Variants in NAA16 observed in about 807,000 individuals in gnomAD.
The protein encoded by NAA16 is N-alpha-acetyltransferase 16, NatA auxiliary subunit.
A neutral mutation model predicts 110.3 loss-of-function variants in NAA16; 97 were observed. That is an observed-to-expected ratio of 0.88 (90% CI 0.75 to 1.04). NAA16 has a LOEUF of 1.04. Ranked by LOEUF, NAA16 falls within the 50% of genes least tolerant of loss-of-function variation. The pLI is 0.00. For missense variants in NAA16, 1,017 were observed against 1,005.1 expected (o/e 1.01, Z -0.16); for synonymous variants, 372 against 330.6 (o/e 1.13, Z -1.36).
rs536407073 is a variant in NAA16 at position 41,334,254 on chromosome 13, TA to T, written c.908-2395del. Among the ~76,000 whole-genome samples, 198 of 152,272 alleles carry T rather than the reference TA, an allele frequency of 1.3e-3. 2 individuals are homozygous for T. The highest frequency in any genetic ancestry group is 2.5e-3 in the Non-Finnish European group (171 of 67,992). On this transcript the variant is annotated intron_variant, in intron 8 of 19. Coordinates refer to ENST00000379406, the MANE Select transcript of NAA16 (RefSeq NM_024561.5). ...CCACTTTTTAGGTAAAAGGGCTTCA[TA>T]CCTACAGAACAATAAGGAAATTTTC...
chr13:41,340,595 T>A (rs958431007), intron 9 of NAA16, among the ~76,000 whole-genome samples: 1 of 151,428 alleles, frequency 6.6e-6, no homozygotes, highest in African/African-American at 2.4e-5. Context: ...TACCCAGTAG[T>A]CATTCAGGAG....
At chr13:41,345,436 A>G (rs922125920) in intron 9 of NAA16, among the ~76,000 whole-genome samples, 2 of 152,132 alleles carry the variant, frequency 1.3e-5, no homozygotes, top group African/African-American at 2.4e-5. Flanking sequence ...TACCGTTGGT[A>G]TTATCTTTTA....
chr13:41,316,384 G>T (rs1273187017), intron 1 of NAA16, among the ~76,000 whole-genome samples: 2 of 148,540 alleles, frequency 1.3e-5, no homozygotes, highest in African/African-American at 5.0e-5. Context: ...TCTGCTCACT[G>T]CAACCTCTGC....
intron 7 of NAA16, among the ~76,000 whole-genome samples, chr13:41,329,068 A>AT (rs1389218880): frequency 6.6e-6 from 1 of 152,004 alleles, no homozygotes; most frequent in Non-Finnish European, 1.5e-5. Flanking sequence ...CTGTGATAGT[A>AT]TTGGAAGGTG....
In NAA16 at chr13:41,323,202, A is replaced by C; in HGVS notation, c.537+12A>C. The C allele has an allele frequency of 6.2e-7, 1 of 1,612,728 alleles. No individual in the cohort carries two copies. The highest frequency in any genetic ancestry group is 1.3e-5 in the African/African-American group (1 of 75,010). On this transcript the variant is annotated intron_variant, in intron 5 of 19. Coordinates refer to ENST00000379406, the MANE Select transcript of NAA16 (RefSeq NM_024561.5). ...GACAAACTCAGCAAGTAAGAATTTT[A>C]ATGTTTCCTTCTACCTTCATAAATG...
At chr13:41,333,049 G>A (rs2042282194) in intron 8 of NAA16, among the ~76,000 whole-genome samples, 1 of 152,056 alleles carries the variant, frequency 6.6e-6, no homozygotes, top group African/African-American at 2.4e-5. Context: ...TGCTTTTGCT[G>A]TTCTTCAGCC....
chr13:41,320,617 C>T (rs372377650), intron 3 of NAA16, 50 bp from the exon 4 acceptor site: 2 of 1,468,214 alleles, frequency 1.4e-6, no homozygotes, highest in African/African-American at 2.9e-5. Flanking sequence ...AGATATGTAT[C>T]ATAGAATATT....
At position 41,367,632 on chromosome 13, in the gene NAA16, A is replaced by G. The variant is rs552140929; in HGVS notation, c.1733A>G (p.Lys578Arg). 2.5e-6 allele frequency: 4 copies of G among 1,606,994 alleles called. No homozygotes were observed. Among genetic ancestry groups the G allele is most frequent in the Non-Finnish European group, 3.4e-6 (4 of 1,176,180 alleles). ...GATAATCCCTTAACCAATGAAAGCA[A>G]ACAACAAGAAATAAACTCAGGTAAC... ...LYDNPLTNES[K>R]QQEINSENLS... The change falls in exon 14 of 20, where the codon AAA becomes AGA. Residue 578 changes from lysine to arginine, a missense_variant. Lys to Arg is a conservative substitution (Grantham distance 26, BLOSUM62 2). Transcript: ENST00000379406.
At chr13:41,363,485 A>G (rs1225336315) in intron 13 of NAA16, among the ~76,000 whole-genome samples, 3 of 152,152 alleles carry the variant, frequency 2.0e-5, no homozygotes, top group Non-Finnish European at 4.4e-5. Context: ...TTCTTCTAAC[A>G]TTGATGACTA....
At position 41,325,739 on chromosome 13, in the gene NAA16, A is replaced by G. The variant is rs760662297; in HGVS notation, c.579A>G (p.Ile193Met). The G allele has an allele frequency of 1.9e-6, 3 of 1,600,016 alleles. No homozygotes were observed. Among genetic ancestry groups the G allele is most frequent in the Non-Finnish European group, 1.7e-6 (2 of 1,169,208 alleles). ...TAGATTATGAATATAGTGAATTGAT[A>G]TTATACCAGAATCAAGTGATGAGAG... ...NKIDYEYSEL[I>M]LYQNQVMREA... Residue 193 changes from isoleucine to methionine, a missense_variant, in exon 6 of 20, where the codon ATA (isoleucine) becomes ATG (methionine). Transcript: ENST00000379406.
At chr13:41,372,432 C>CT (rs2043340680) in intron 16 of NAA16, 121 bp downstream of exon 16, 2 of 1,354,774 alleles carry the variant, frequency 1.5e-6, no homozygotes, top group Non-Finnish European at 1.9e-6. Flanking sequence ...TACAAAGGCT[C>CT]TTTTCCTTGG....
intron 15 of NAA16, 36 bp from the exon 16 acceptor site, chr13:41,372,167 G>A: frequency 6.9e-7 from 1 of 1,455,414 alleles, no homozygotes; most frequent in Non-Finnish European, 9.3e-7. Context: ...TTGTTCTGAT[G>A]TTTTTTAAAT....
chr13:41,330,634 A>G (rs184535564), intron 7 of NAA16, among the ~76,000 whole-genome samples: 6 of 152,098 alleles, frequency 3.9e-5, no homozygotes, highest in Admixed American at 2.0e-4. Context: ...GTTTCAGAGT[A>G]ACATGTAGTT....
chr13:41,374,031 C>T (rs1044609790), intron 18 of NAA16, among the ~76,000 whole-genome samples: 5 of 151,890 alleles, frequency 3.3e-5, no homozygotes, highest in African/African-American at 7.2e-5. Context: ...AATAAATGTG[C>T]GGGATTGAAC....
chr13:41,313,865 C>CTT lies in NAA16; in HGVS notation c.54+2296_54+2297dup, dbSNP rs35329834. 2.8e-3 allele frequency among the ~76,000 whole-genome samples: 407 copies of CTT among 144,080 alleles called. 4 individuals are homozygous for CTT. The highest frequency in any genetic ancestry group is 0.013 in the South Asian group (57 of 4,552). The allele number at this position is 144,080 out of a possible 152,430, so 94.5% of individuals were successfully genotyped here. On this transcript the variant is annotated intron_variant, in intron 1 of 19. Transcript: ENST00000379406. Reference sequence around the variant, plus strand: ...GGTTCCTGAGTGAATGTAGATTTGTCTTTTTTTTTTTTTTGCGAGAGTGTA... The same window carrying CTT: ...GGTTCCTGAGTGAATGTAGATTTGTCTTTTTTTTTTTTTTTTGCGAGAGTGTA...
chr13:41,325,867 T>G lies in NAA16; in HGVS notation c.691+16T>G. 6.3e-7 allele frequency: 1 copy of G among 1,578,830 alleles called. No individual in the cohort carries two copies. The highest frequency in any genetic ancestry group is 8.6e-7 in the Non-Finnish European group (1 of 1,163,274). On this transcript the variant is annotated intron_variant, in intron 6 of 19. Coordinates refer to ENST00000379406, the MANE Select transcript of NAA16 (RefSeq NM_024561.5). ...GAAATTAAAGGTAAGTTGGCTTGCC[T>G]TTTTTTAATAGCCTCAAACAGAAAA...
At chr13:41,333,689 C>T (rs1455509289) in intron 8 of NAA16, among the ~76,000 whole-genome samples, 1 of 152,074 alleles carries the variant, frequency 6.6e-6, no homozygotes, top group Non-Finnish European at 1.5e-5. Context: ...AGATTACGAA[C>T]AAGACTTCTT....
chr13:41,362,267 G>A (rs2043127845), intron 13 of NAA16, 108 bp downstream of exon 13: 2 of 1,242,320 alleles, frequency 1.6e-6, no homozygotes, highest in Non-Finnish European at 2.2e-6. Context: ...GAGCTTCATT[G>A]TGAAAAAAAT....
chr13:41,365,878 T>G (rs1477319077), intron 13 of NAA16, among the ~76,000 whole-genome samples: 1 of 152,216 alleles, frequency 6.6e-6, no homozygotes, highest in Admixed American at 6.5e-5. Context: ...GTCATCTGCC[T>G]TTTTTCAGAT....
Sources: allele counts gnomAD v4.1 joint callset (sites outside exome capture counted in the v4.1 genomes callset), GRCh38; gene constraint gnomAD v4.1.1; transcripts MANE v1.5; gene names NCBI Gene and HGNC (gene_info 2026-07-23, HGNC 2026-07-21).